The following MALRD1 variants were observed in gnomAD, a reference collection of about 807,000 sequenced individuals.
The protein encoded by MALRD1 is MAM and LDL-receptor class A domain-containing protein 1.
Under a neutral mutation model 242.1 loss-of-function variants are expected in MALRD1, and 247 were observed. That is an observed-to-expected ratio of 1.02 (90% CI 0.92 to 1.13). MALRD1 has a LOEUF of 1.13. Ranked by LOEUF, MALRD1 falls within the 50% of genes most tolerant of loss-of-function variation. The probability of loss-of-function intolerance (pLI) is 0.00; values close to 1 mark genes in which losing one functional copy is unlikely to be tolerated. For missense variants in MALRD1, 2,989 were observed against 2,533.1 expected (o/e 1.18, Z -3.86); for synonymous variants, 995 against 866.6 (o/e 1.15, Z -2.60).
chr10:19,633,252 GA>G (rs1382642357), intron 36 of MALRD1, among the ~76,000 whole-genome samples: 1 of 151,866 alleles, frequency 6.6e-6, no homozygotes, highest in Non-Finnish European at 1.5e-5. Context: ...AAGAGAGACA[GA>G]GAGAGAGAGA....
chr10:19,449,252 C>T (rs1340293733), intron 28 of MALRD1, among the ~76,000 whole-genome samples: 1 of 152,212 alleles, frequency 6.6e-6, no homozygotes, highest in African/African-American at 2.4e-5. Context: ...TCTCAGCTCA[C>T]TGCAACGCCT....
At chr10:19,377,109 G>A (rs888228038) in intron 26 of MALRD1, among the ~76,000 whole-genome samples, 25 of 152,162 alleles carry the variant, frequency 1.6e-4, no homozygotes, top group African/African-American at 5.5e-4. Flanking sequence ...TCATGCTGAG[G>A]CATAAATAAA....
At chr10:19,193,855 T>TAC (rs1564457206) in intron 14 of MALRD1, among the ~76,000 whole-genome samples, 2 of 151,386 alleles carry the variant, frequency 1.3e-5, no homozygotes, top group Admixed American at 1.3e-4. Flanking sequence ...TATATATATA[T>TAC]ACACACACAT....
chr10:19,305,241 A>C (rs1396883784), intron 21 of MALRD1, among the ~76,000 whole-genome samples: 1 of 151,706 alleles, frequency 6.6e-6, no homozygotes, highest in East Asian at 1.9e-4. Context: ...TTGTTTAAAA[A>C]TTCCAAGGAA....
chr10:19,702,826 C>G (rs1346439812), intron 38 of MALRD1, among the ~76,000 whole-genome samples: 2 of 152,120 alleles, frequency 1.3e-5, no homozygotes, highest in East Asian at 1.9e-4. Flanking sequence ...ATCACCCTCT[C>G]GAAATTAACC....
Position 19,088,095 on chromosome 10 carries a change from T to G in MALRD1, c.507T>G (p.Gly169=), listed in dbSNP as rs1835737104. The G allele has an allele frequency of 8.1e-7, 1 of 1,233,492 alleles. No individual in the cohort carries two copies. The highest frequency in any genetic ancestry group is 4.2e-5 in the Admixed American group (1 of 23,676). 76.4% of individuals were successfully genotyped at this position (1,233,492 alleles called of 1,614,324 possible). A position where few individuals can be genotyped will look rare whatever the true frequency, so the allele number is the denominator to read the frequency against. The change falls in exon 4 of 40, where the codon GGT becomes GGG. Residue 169 remains glycine (G), a synonymous_variant. Transcript: ENST00000454679. ...TTGGGCTTCAAACTGCATGTGGAGG[T>G]CCTATTCAGCATTTATGGCAAAACA... ...LMVGLQTACG[G]PIQHLWQNTA...
At chr10:19,561,208 C>A (rs1366183539) in intron 32 of MALRD1, among the ~76,000 whole-genome samples, 2 of 152,074 alleles carry the variant, frequency 1.3e-5, no homozygotes, top group African/African-American at 4.8e-5. Context: ...GATTTCTATT[C>A]TTTTAAATTT....
chr10:19,600,670 C>G (rs1838300689), intron 34 of MALRD1, among the ~76,000 whole-genome samples: 2 of 151,958 alleles, frequency 1.3e-5, no homozygotes, highest in Admixed American at 6.6e-5. Flanking sequence ...CTTACATATT[C>G]TACGTTTGAA....
At chr10:19,414,541 T>A (rs1326677097) in intron 28 of MALRD1, among the ~76,000 whole-genome samples, 1 of 152,212 alleles carries the variant, frequency 6.6e-6, no homozygotes, top group African/African-American at 2.4e-5. Context: ...TTAGTGCTTG[T>A]ATGACATCTA....
At chr10:19,243,547 G>A (rs934380979) in intron 18 of MALRD1, among the ~76,000 whole-genome samples, 1 of 151,940 alleles carries the variant, frequency 6.6e-6, no homozygotes, top group Non-Finnish European at 1.5e-5. Flanking sequence ...ATCCTCAGAC[G>A]TAATTCTTTG....
intron 18 of MALRD1, among the ~76,000 whole-genome samples, chr10:19,227,409 A>G (rs1209272643): frequency 6.6e-6 from 1 of 152,112 alleles, no homozygotes; most frequent in Admixed American, 6.6e-5. Context: ...GTACTATTAA[A>G]ATTGGATATT....
chr10:19,388,887 A>G (rs1438675404), intron 27 of MALRD1, among the ~76,000 whole-genome samples: 28 of 151,230 alleles, frequency 1.9e-4, no homozygotes, highest in Admixed American at 3.3e-4. Flanking sequence ...TACTGAAAAA[A>G]AAAAAAAAAA....
chr10:19,224,273 G>A (rs1837687152), intron 18 of MALRD1, among the ~76,000 whole-genome samples: 1 of 148,840 alleles, frequency 6.7e-6, no homozygotes, highest in Non-Finnish European at 1.5e-5. Context: ...CATTGGACCA[G>A]GGATGATGAG....
intron 18 of MALRD1, among the ~76,000 whole-genome samples, chr10:19,227,635 C>A (rs1324613877): frequency 2.0e-5 from 3 of 151,694 alleles, no homozygotes; most frequent in Admixed American, 6.6e-5. Context: ...AAAACGTTTG[C>A]AATTTAAAAC....
At chr10:19,335,515 A>T (rs559827128) in intron 24 of MALRD1, among the ~76,000 whole-genome samples, 1 of 152,106 alleles carries the variant, frequency 6.6e-6, no homozygotes, top group South Asian at 2.1e-4. Context: ...TATGCTATGA[A>T]CTTTGATGCC....
At position 19,554,536 on chromosome 10, in the gene MALRD1, C is replaced by G. The variant is rs1475099602; in HGVS notation, c.5479-12966C>G. ...TGCATTAGCCATTTTTTCTAATGCT[C>G]TCCCTCCCCAACCCCACTCCCCACA... is the stretch of plus-strand genomic sequence containing the variant. On this transcript the variant is annotated intron_variant, in intron 32 of 39. Coordinates refer to ENST00000454679, the MANE Select transcript of MALRD1 (RefSeq NM_001142308.3). Among the ~76,000 whole-genome samples, 3 of 152,120 alleles carry G rather than the reference C, an allele frequency of 2.0e-5. No individual in the cohort carries two copies. The East Asian group carries it at 5.8e-4, about 29-fold the overall frequency.
chr10:19,664,035 C>T (rs1333902660), intron 36 of MALRD1, among the ~76,000 whole-genome samples: 1 of 152,002 alleles, frequency 6.6e-6, no homozygotes, highest in Non-Finnish European at 1.5e-5. Flanking sequence ...GAATTCATCC[C>T]TAAGTGGTTC....
intron 38 of MALRD1, among the ~76,000 whole-genome samples, chr10:19,729,800 G>A (rs907124368): frequency 4.2e-5 from 5 of 118,642 alleles, no homozygotes; most frequent in East Asian, 2.8e-4. Context: ...GCAGTGGCGC[G>A]ATCTCGGCTC....
At chr10:19,567,188 T>C (rs781215839) in intron 32 of MALRD1, among the ~76,000 whole-genome samples, 4 of 152,198 alleles carry the variant, frequency 2.6e-5, no homozygotes, top group African/African-American at 9.7e-5. Context: ...ACAAAGTTCT[T>C]TAGCAATAAA....
Sources: gnomAD v4.1 joint callset for allele counts (sites outside exome capture counted in the v4.1 genomes callset) on GRCh38, gnomAD v4.1.1 for gene constraint, MANE v1.5 for transcripts, NCBI Gene and HGNC (gene_info 2026-07-23, HGNC 2026-07-21) for gene names.